The following SETBP1 variants were observed in gnomAD, a reference collection of about 807,000 sequenced individuals.
SETBP1 encodes SET-binding protein.
A neutral mutation model predicts 101.0 loss-of-function variants in SETBP1; 9 were observed. The ratio of observed to expected loss-of-function variants is 0.09; its 90% CI spans 0.05 to 0.16. SETBP1 has a LOEUF of 0.16. SETBP1 is among the 10% of genes least tolerant of loss of function. The pLI is 1.00. For synonymous variants in SETBP1, 818 were observed against 788.5 expected (o/e 1.04, Z -0.63); for missense variants, 1,858 against 2,033.8 (o/e 0.91, Z 1.66).
At chr18:44,869,559 G>T in intron 3 of SETBP1, 4 of 370,228 alleles carry the variant, frequency 1.1e-5, no homozygotes, top group Non-Finnish European at 2.1e-5. Flanking sequence ...AAGTGTTGGG[G>T]ATTCAGCTTA....
At chr18:45,048,096 A>G (rs1428229562) in intron 5 of SETBP1, among the ~76,000 whole-genome samples, 1 of 152,054 alleles carries the variant, frequency 6.6e-6, no homozygotes, top group Non-Finnish European at 1.5e-5. Context: ...AGAAACTTGG[A>G]CTCTTTCTGG....
chr18:44,737,032 GT>G (rs2069984928), intron 2 of SETBP1, among the ~76,000 whole-genome samples: 1 of 152,140 alleles, frequency 6.6e-6, no homozygotes, highest in African/African-American at 2.4e-5. Flanking sequence ...TAGACACTTG[GT>G]ACATCTTTGT....
chr18:44,685,590 T>G (rs1202971246), intron 1 of SETBP1, among the ~76,000 whole-genome samples: 1 of 152,166 alleles, frequency 6.6e-6, no homozygotes, highest in African/African-American at 2.4e-5. Context: ...TTAACCTCTC[T>G]GAGCCTCCGG....
At chr18:44,765,548 G>A (rs920026408) in intron 2 of SETBP1, among the ~76,000 whole-genome samples, 2 of 152,158 alleles carry the variant, frequency 1.3e-5, no homozygotes, top group African/African-American at 4.8e-5. Flanking sequence ...TGGTATCCAG[G>A]CTACGGAATA....
Position 44,924,138 on chromosome 18 carries a change from T to C in SETBP1, c.541-25743T>C, listed in dbSNP as rs139951567. ...TGGCCCAGTTGTAGATGTGGGACCC[T>C]TGAGACTGTGGCTTCCGTTCAGCTT... On this transcript the variant is annotated intron_variant, in intron 3 of 5. Coordinates refer to ENST00000649279, the MANE Select transcript of SETBP1 (RefSeq NM_015559.3). Among the ~76,000 whole-genome samples the C allele has an allele frequency of 6.7e-4, 102 of 152,318 alleles. 2 individuals are homozygous for C. In the East Asian group the frequency reaches 0.017, roughly 26 times the overall value.
At chr18:45,044,282 T>A (rs1201809741) in intron 5 of SETBP1, among the ~76,000 whole-genome samples, 1 of 152,144 alleles carries the variant, frequency 6.6e-6, no homozygotes, top group Admixed American at 6.5e-5. Flanking sequence ...CCAAAGAAGA[T>A]CCAGAGCAAA....
rs990814177 is a variant in SETBP1, at chr18:45,067,764, G to A, written c.*4066G>A. ...CCCCACTGATGAGTCTTCCTTCCCT[G>A]TTGGACTCAGTCATTTGGGGAACAG... On this transcript the variant is annotated 3_prime_UTR_variant, in exon 6 of 6. Transcript: ENST00000649279. The A allele has an allele frequency of 6.6e-6, 1 of 152,078 alleles. No individual in the cohort carries two copies. The highest frequency in any genetic ancestry group is 2.4e-5 in the African/African-American group (1 of 41,394). The allele number at this position is 152,078 out of a possible 1,614,324, so 9.4% of individuals were successfully genotyped here. A position where few individuals can be genotyped will look rare whatever the true frequency, so the allele number is the denominator to read the frequency against.
chr18:44,969,467 C>T lies in SETBP1; in HGVS notation c.4000+16127C>T, dbSNP rs371724672. On this transcript the variant is annotated intron_variant, in intron 4 of 5. Transcript: ENST00000649279. ...GAATGTTCTTTTAAGCTTTTCCCTC[C>T]TTCCCAAGCCTTTCCTGTGAAGTTA... Among the ~76,000 whole-genome samples the T allele has an allele frequency of 1.1e-4, 17 of 152,286 alleles. 1 individual carries two copies. The highest frequency in any genetic ancestry group is 4.1e-4 in the African/African-American group (17 of 41,572).
chr18:44,826,280 C>T (rs1442057161), intron 2 of SETBP1, among the ~76,000 whole-genome samples: 1 of 152,134 alleles, frequency 6.6e-6, no homozygotes, highest in African/African-American at 2.4e-5. Flanking sequence ...CCCTTTCACC[C>T]CTTTTTCGCC....
At chr18:44,688,723 G>A (rs11664465) in intron 1 of SETBP1, among the ~76,000 whole-genome samples, 2,909 of 152,210 alleles carry the variant, frequency 0.019, 54 homozygotes, top group Non-Finnish European at 0.029. Context: ...AAAGTGCTGG[G>A]ATTACAGGCA....
chr18:44,960,653 T>C (rs2071593463), intron 4 of SETBP1, among the ~76,000 whole-genome samples: 1 of 152,212 alleles, frequency 6.6e-6, no homozygotes, highest in South Asian at 2.1e-4. Flanking sequence ...CAGAAGCTAC[T>C]TTTTAAACAA....
In SETBP1 at chr18:44,838,389, C is replaced by T. The variant is rs35667056; in HGVS notation, c.487-30841C>T. On this transcript the variant is annotated intron_variant, in intron 2 of 5. Transcript: ENST00000649279. ...ATGCCAGAACAGTGGAAGATTCTAC[C>T]CTTTTTTGATCTGATACTTTAGCTT... 4.0e-3 allele frequency among the ~76,000 whole-genome samples: 610 copies of T among 152,248 alleles called. 1 individual carries two copies. Among genetic ancestry groups the T allele is most frequent in the Non-Finnish European group, 6.3e-3 (427 of 68,012 alleles).
At chr18:44,874,930 T>A (rs1490635698) in intron 3 of SETBP1, among the ~76,000 whole-genome samples, 2 of 152,124 alleles carry the variant, frequency 1.3e-5, no homozygotes, top group African/African-American at 4.8e-5. Flanking sequence ...GCTGTGCTTA[T>A]CTCCCAACAG....
chr18:44,773,544 G>A (rs866491212), intron 2 of SETBP1, among the ~76,000 whole-genome samples: 3 of 152,120 alleles, frequency 2.0e-5, no homozygotes, highest in Non-Finnish European at 2.9e-5. Context: ...ACACATTTTT[G>A]CAACGTCAAT....
chr18:44,686,691 A>G (rs1403028955), intron 1 of SETBP1, among the ~76,000 whole-genome samples: 1 of 152,228 alleles, frequency 6.6e-6, no homozygotes, highest in Non-Finnish European at 1.5e-5. Flanking sequence ...TTTAAGGTGT[A>G]TTAACACTCT....
At chr18:45,014,200 A>G (rs1341333383) in intron 4 of SETBP1, among the ~76,000 whole-genome samples, 1 of 152,186 alleles carries the variant, frequency 6.6e-6, no homozygotes, top group East Asian at 1.9e-4. Flanking sequence ...ATCCATTAAG[A>G]AACAGCTGAG....
chr18:44,846,230 CTTTATT>C (rs557259219), intron 2 of SETBP1, among the ~76,000 whole-genome samples: 195 of 152,254 alleles, frequency 1.3e-3, no homozygotes, highest in African/African-American at 4.0e-3. Flanking sequence ...AGTTTTGCTC[CTTTATT>C]TTTAAAGTTT....
At chr18:44,892,702 C>A (rs1344232489) in intron 3 of SETBP1, among the ~76,000 whole-genome samples, 1 of 152,068 alleles carries the variant, frequency 6.6e-6, no homozygotes, top group Non-Finnish European at 1.5e-5. Flanking sequence ...AAACTTCTAT[C>A]TACTGGTTTT....
intron 2 of SETBP1, among the ~76,000 whole-genome samples, chr18:44,765,188 G>T (rs1259063589): frequency 6.6e-6 from 1 of 152,014 alleles, no homozygotes; most frequent in Non-Finnish European, 1.5e-5. Flanking sequence ...GTGTTGAATG[G>T]GTGCTGATAT....
Sources: gnomAD v4.1 joint callset for allele counts (sites outside exome capture counted in the v4.1 genomes callset) on GRCh38, gnomAD v4.1.1 for gene constraint, MANE v1.5 for transcripts, NCBI Gene and HGNC (gene_info 2026-07-23, HGNC 2026-07-21) for gene names.